KCTD1: variants seen among roughly 807,000 people sequenced by gnomAD.
KCTD1 encodes the protein potassium channel tetramerization domain containing 1.
KCTD1 carries 24 observed loss-of-function variants against 66.0 expected under a neutral mutation model. That is an observed-to-expected ratio of 0.36 (90% CI 0.26 to 0.51). The LOEUF (loss-of-function observed/expected upper bound fraction) is 0.51, where lower values mean the gene tolerates loss of function less well. Among genes scored for constraint, KCTD1 ranks in the 20% least tolerant of loss-of-function variants. The pLI, the probability that KCTD1 is intolerant of heterozygous loss-of-function variation, is 0.95. For missense variants in KCTD1, 943 were observed against 1,205.2 expected (o/e 0.78, Z 3.22); for synonymous variants, 511 against 517.2 (o/e 0.99, Z 0.16).
intron 1 of KCTD1, among the ~76,000 whole-genome samples, chr18:26,617,416 T>C (rs1987279040): frequency 6.6e-6 from 1 of 152,222 alleles, no homozygotes; most frequent in South Asian, 2.1e-4. Flanking sequence ...CATGCCGTGT[T>C]TGAGGAGCAA....
intron 1 of KCTD1, among the ~76,000 whole-genome samples, chr18:26,532,515 C>G (rs1557317): frequency 0.51 from 76,827 of 151,754 alleles, 19,554 homozygotes; most frequent in East Asian, 0.6. Context: ...CTTCTAGCCT[C>G]GGCTTCCCAA....
intron 1 of KCTD1, among the ~76,000 whole-genome samples, chr18:26,516,125 A>G (rs1237752935): frequency 1.3e-5 from 2 of 152,096 alleles, no homozygotes; most frequent in African/African-American, 2.4e-5. Context: ...GGAAGTGAGG[A>G]AAGGACAGTG....
intron 1 of KCTD1, among the ~76,000 whole-genome samples, chr18:26,654,862 C>G (rs1204024643): frequency 1.3e-5 from 2 of 152,212 alleles, no homozygotes; most frequent in African/African-American, 2.4e-5. Flanking sequence ...TCCATTCAGG[C>G]AGCAGCAGGA....
chr18:26,570,716 T>G (rs1986088172), intron 1 of KCTD1, among the ~76,000 whole-genome samples: 1 of 152,198 alleles, frequency 6.6e-6, no homozygotes, highest in African/African-American at 2.4e-5. Flanking sequence ...GGGCCTCTAT[T>G]ACTTTCTGAG....
intron 1 of KCTD1, among the ~76,000 whole-genome samples, chr18:26,583,468 G>A (rs1244806758): frequency 6.6e-6 from 1 of 151,140 alleles, no homozygotes; most frequent in Non-Finnish European, 1.5e-5. Context: ...ATTCAGAGAT[G>A]TGGGTAATAG....
intron 1 of KCTD1, among the ~76,000 whole-genome samples, chr18:26,635,148 A>G (rs1480882254): frequency 1.3e-5 from 2 of 152,076 alleles, no homozygotes; most frequent in African/African-American, 4.8e-5. Flanking sequence ...TTGCATTAAA[A>G]TATTATTTAT....
intron 2 of KCTD1, among the ~76,000 whole-genome samples, chr18:26,500,437 T>A (rs1484367647): frequency 1.3e-5 from 2 of 151,170 alleles, no homozygotes; most frequent in Non-Finnish European, 3.0e-5. Context: ...ATAATAATAA[T>A]AAAAAAAATG....
intron 3 of KCTD1, among the ~76,000 whole-genome samples, chr18:26,473,527 C>A (rs937360632): frequency 6.6e-6 from 1 of 151,240 alleles, no homozygotes; most frequent in South Asian, 2.1e-4. Context: ...ATGTAACAAA[C>A]CTGCACATCC....
intron 1 of KCTD1, among the ~76,000 whole-genome samples, chr18:26,584,761 G>A (rs1333105296): frequency 3.3e-5 from 5 of 152,292 alleles, no homozygotes; most frequent in African/African-American, 1.2e-4. Context: ...GATGATGGAG[G>A]CTGAGGCAAG....
intron 1 of KCTD1, among the ~76,000 whole-genome samples, chr18:26,656,929 G>GGCGGAGCGGCCGCGGGGAGGCTGGCGC (rs1598988554): frequency 1.3e-5 from 2 of 150,310 alleles, no homozygotes; most frequent in East Asian, 4.0e-4. Context: ...GGAGAGCCGC[G>GGCGGAGCGGCCGCGGGGAGGCTGGCGC]GCGGAGCGGC....
intron 1 of KCTD1, among the ~76,000 whole-genome samples, chr18:26,561,936 C>A (rs1271289853): frequency 1.3e-5 from 2 of 152,186 alleles, no homozygotes; most frequent in Non-Finnish European, 2.9e-5. Flanking sequence ...GTCTGGCCTC[C>A]AAGGAGTCTC....
intron 1 of KCTD1, among the ~76,000 whole-genome samples, chr18:26,593,077 G>T (rs780273328): frequency 1.1e-4 from 17 of 152,076 alleles, no homozygotes; most frequent in Non-Finnish European, 2.2e-4. Context: ...CCAGTCTCTC[G>T]TCCCCCTCTG....
At chr18:26,502,383 G>C (rs1356156470) in intron 1 of KCTD1, among the ~76,000 whole-genome samples, 1 of 152,128 alleles carries the variant, frequency 6.6e-6, no homozygotes, top group Non-Finnish European at 1.5e-5. Context: ...TGTAGAAACA[G>C]GGTTTTTCCA....
At chr18:26,588,710 C>T (rs1444468420) in intron 1 of KCTD1, among the ~76,000 whole-genome samples, 1 of 152,110 alleles carries the variant, frequency 6.6e-6, no homozygotes, top group Non-Finnish European at 1.5e-5. Context: ...TTGGGAGGGA[C>T]TTCAGGCCAT....
intron 1 of KCTD1, chr18:26,599,680 T>C (rs1986845390): frequency 1.3e-6 from 2 of 1,488,496 alleles, no homozygotes; most frequent in Non-Finnish European, 1.9e-6. Context: ...CTGGTGGATG[T>C]CTTTTTCTGA....
intron 1 of KCTD1, among the ~76,000 whole-genome samples, chr18:26,506,871 A>T (rs1983065821): frequency 6.6e-6 from 1 of 152,222 alleles, no homozygotes; most frequent in Non-Finnish European, 1.5e-5. Flanking sequence ...TAGCTAATTT[A>T]AATTTTAATT....
chr18:26,571,649 G>T (rs529554928), intron 1 of KCTD1, among the ~76,000 whole-genome samples: 102 of 151,748 alleles, frequency 6.7e-4, no homozygotes, highest in African/African-American at 2.4e-3. Context: ...TTATTTTTTA[G>T]AATATTTTCA....
At chr18:26,552,744 T>C (rs934654895), upstream of KCTD1, among the ~76,000 whole-genome samples, 8 of 152,142 alleles carry the variant, frequency 5.3e-5, no homozygotes, top group Non-Finnish European at 4.4e-5. Context: ...AATGGAAGTG[T>C]CTCTATTAAG....
intron 1 of KCTD1, among the ~76,000 whole-genome samples, chr18:26,577,727 T>G (rs1467805296): frequency 6.6e-6 from 1 of 151,590 alleles, no homozygotes; most frequent in East Asian, 1.9e-4. Context: ...TTTTTAGTGT[T>G]TTTTTTTGTT....
Sources: allele counts gnomAD v4.1 joint callset (sites outside exome capture counted in the v4.1 genomes callset), GRCh38; gene constraint gnomAD v4.1.1; transcripts MANE v1.5; gene names NCBI Gene and HGNC (gene_info 2026-07-23, HGNC 2026-07-21).